The following SLC5A12 variants were observed in gnomAD, a reference collection of about 807,000 sequenced individuals.
SLC5A12 encodes the protein solute carrier family 5 member 12.
In SLC5A12, 46 loss-of-function variants were observed where a neutral mutation model predicts 72.7. That is an observed-to-expected ratio of 0.63 (90% confidence interval 0.50 to 0.81). The LOEUF is 0.81. Ranked by LOEUF, SLC5A12 falls within the 30% of genes least tolerant of loss-of-function variation. The pLI, the probability that SLC5A12 is intolerant of heterozygous loss-of-function variation, is 0.00. For missense variants in SLC5A12, 683 were observed against 740.7 expected (o/e 0.92, Z 0.90); for synonymous variants, 275 against 264.4 (o/e 1.04, Z -0.39).
chr11:26,707,870 T>C (rs1266105052), intron 4 of SLC5A12, among the ~76,000 whole-genome samples: 1 of 152,058 alleles, frequency 6.6e-6, no homozygotes, highest in Non-Finnish European at 1.5e-5. Flanking sequence ...AGTTGGATTA[T>C]TCCTCCAGAG....
chr11:26,696,951 A>G (rs1854831445), intron 8 of SLC5A12, among the ~76,000 whole-genome samples: 1 of 152,226 alleles, frequency 6.6e-6, no homozygotes. Flanking sequence ...TAATTTTTCT[A>G]TCTTGCTAAA....
chr11:26,685,543 G>T lies in SLC5A12; in HGVS notation c.1221+934C>A, dbSNP rs571518408. Among the ~76,000 whole-genome samples the T allele has an allele frequency of 1.3e-5, 2 of 152,142 alleles. 1 individual carries two copies. Among genetic ancestry groups the T allele is most frequent in the East Asian group, 3.9e-4 (2 of 5,170 alleles). On this transcript the variant is annotated intron_variant, in intron 10 of 14. Transcript: ENST00000396005. Reference sequence around the variant, plus strand: ...GAATTGCTTGAACCTGGGAGGCAGAGGTTGCAGTGAACCAAAATCACACTA... The same window carrying T: ...GAATTGCTTGAACCTGGGAGGCAGATGTTGCAGTGAACCAAAATCACACTA...
At position 26,692,490 on chromosome 11, in the gene SLC5A12, T is replaced by C. The variant is rs763635217; in HGVS notation, c.1152A>G (p.Leu384=). 2.5e-6 allele frequency: 4 copies of C among 1,603,536 alleles called. No individual in the cohort carries two copies. The highest frequency in any genetic ancestry group is 1.7e-5 in the Admixed American group (1 of 60,014). The change falls in exon 9 of 15, where the codon TTA becomes TTG. Residue 384 remains leucine, a splice_region_variant and synonymous_variant. Transcript: ENST00000396005. ...AGAAAGTCCACCAGCTGTACCTACA[T>C]AAGCCTTTACTGATCCAGGTGCTCA... ...DKLSTWISKG[L]CLLFGVMCTS... is the part of the protein sequence containing the mutation.
intron 1 of SLC5A12, among the ~76,000 whole-genome samples, chr11:26,717,455 A>C (rs770001747): frequency 5.3e-5 from 8 of 152,190 alleles, no homozygotes; most frequent in Non-Finnish European, 1.2e-4. Flanking sequence ...ACTAATAACA[A>C]ACTGTACAAT....
At chr11:26,673,608 G>T in intron 13 of SLC5A12, 79 bp from the exon 14 acceptor site, 2 of 1,438,530 alleles carry the variant, frequency 1.4e-6, no homozygotes, top group Non-Finnish European at 1.8e-6. Context: ...TTGTCAACTT[G>T]AAAAGTAGGT....
intron 1 of SLC5A12, among the ~76,000 whole-genome samples, chr11:26,717,389 G>T (rs762278125): frequency 6.6e-6 from 1 of 152,256 alleles, no homozygotes; most frequent in South Asian, 2.1e-4. Context: ...CTAGATTTAT[G>T]AGTGTATGAT....
intron 9 of SLC5A12, among the ~76,000 whole-genome samples, chr11:26,690,615 A>G (rs918576996): frequency 3.4e-5 from 5 of 148,158 alleles, no homozygotes; most frequent in Non-Finnish European, 7.4e-5. Flanking sequence ...CTTCGAGACC[A>G]GCCTGACCAA....
At chr11:26,675,407 T>G (rs929756531) in intron 13 of SLC5A12, among the ~76,000 whole-genome samples, 5 of 152,290 alleles carry the variant, frequency 3.3e-5, no homozygotes, top group Non-Finnish European at 7.4e-5. Flanking sequence ...CCAGAAGCTC[T>G]GTGTTTGCCT....
At position 26,703,670 on chromosome 11, in the gene SLC5A12, A is replaced by G; in HGVS notation, c.682T>C (p.Phe228Leu). 1 of 1,613,906 alleles carries G rather than the reference A, an allele frequency of 6.2e-7. No individual in the cohort carries two copies. Among genetic ancestry groups the G allele is most frequent in the Non-Finnish European group, 8.5e-7 (1 of 1,179,888 alleles). The change falls in exon 6 of 15, where the codon TTT (phenylalanine) becomes CTT (leucine). Residue 228 changes from phenylalanine (F) to leucine (L), a missense_variant and splice_region_variant. By Grantham distance (22) the Phe-to-Leu change is conservative. Coordinates refer to ENST00000396005, the MANE Select transcript of SLC5A12 (RefSeq NM_178498.4). ...TNGSRLHIFD[F>L]DVDPLRRHTF... The stretch of plus-strand genomic sequence containing the variant: ...TGTCGCCTGAGAGGATCTACATCAA[A>G]GCTATGAGACAGAGAGAAATGAGTG...
intron 10 of SLC5A12, among the ~76,000 whole-genome samples, chr11:26,685,330 G>C (rs1458892604): frequency 6.6e-6 from 1 of 152,106 alleles, no homozygotes; most frequent in Non-Finnish European, 1.5e-5. Flanking sequence ...ATAATGTTCA[G>C]ATTACAAAAG....
At chr11:26,690,812 G>C (rs1029851713) in intron 9 of SLC5A12, among the ~76,000 whole-genome samples, 1 of 150,050 alleles carries the variant, frequency 6.7e-6, no homozygotes, top group Non-Finnish European at 1.5e-5. Context: ...AAAAAATTTA[G>C]TTTATTATCT....
chr11:26,697,143 G>C (rs372922751), intron 8 of SLC5A12, 21 bp downstream of exon 8: 1 of 1,588,236 alleles, frequency 6.3e-7, no homozygotes, highest in Non-Finnish European at 8.6e-7. Context: ...ATCATCATCA[G>C]ATTGTTGTTG....
At chr11:26,671,948 A>G (rs1854153576) in intron 14 of SLC5A12, among the ~76,000 whole-genome samples, 1 of 152,128 alleles carries the variant, frequency 6.6e-6, no homozygotes, top group South Asian at 2.1e-4. Flanking sequence ...CCTTTTCTCA[A>G]AAGTATAGAT....
chr11:26,675,969 C>CTGTGTG (rs10695732), intron 13 of SLC5A12, among the ~76,000 whole-genome samples: 3,993 of 150,498 alleles, frequency 0.027, 163 homozygotes, highest in African/African-American at 0.09. Flanking sequence ...GTGCATGTAT[C>CTGTGTG]TGTGTGTGTG....
intron 1 of SLC5A12, 63 bp from the exon 2 acceptor site, chr11:26,712,769 CT>C: frequency 2.4e-6 from 3 of 1,248,904 alleles, no homozygotes; most frequent in Non-Finnish European, 3.4e-6. Context: ...TAAGAAAGTC[CT>C]TTTTATCTTG....
intron 7 of SLC5A12, among the ~76,000 whole-genome samples, chr11:26,698,150 G>A (rs1252783700): frequency 1.1e-4 from 16 of 151,928 alleles, no homozygotes; most frequent in African/African-American, 3.4e-4. Flanking sequence ...TGCCCGCCTC[G>A]GCCTCCCAAA....
intron 6 of SLC5A12, among the ~76,000 whole-genome samples, chr11:26,700,516 A>AATAG (rs999986747): frequency 6.6e-5 from 10 of 152,078 alleles, no homozygotes; most frequent in African/African-American, 2.4e-4. Flanking sequence ...AAAATAAATA[A>AATAG]ATAAATAAAT....
intron 9 of SLC5A12, among the ~76,000 whole-genome samples, chr11:26,689,102 A>AT (rs988791048): frequency 6.6e-6 from 1 of 151,944 alleles, no homozygotes; most frequent in African/African-American, 2.4e-5. Context: ...AAAAAAAAAA[A>AT]AAAAAAGTGC....
intron 13 of SLC5A12, among the ~76,000 whole-genome samples, chr11:26,676,364 A>C (rs5790604): frequency 0.76 from 99,902 of 132,186 alleles, 35,812 homozygotes; most frequent in Middle Eastern, 0.83. Context: ...GAAAACAAAA[A>C]AAAAAAAAAA....
Sources: gnomAD v4.1 joint callset for allele counts (sites outside exome capture counted in the v4.1 genomes callset) on GRCh38, gnomAD v4.1.1 for gene constraint, MANE v1.5 for transcripts, NCBI Gene and HGNC (gene_info 2026-07-23, HGNC 2026-07-21) for gene names.